Variants in CDC42BPA observed in about 807,000 individuals in gnomAD.
The protein encoded by CDC42BPA is CDC42 binding protein kinase alpha.
CDC42BPA carries 80 observed loss-of-function variants against 223.5 expected under a neutral mutation model. The ratio of observed to expected loss-of-function variants is 0.36; its 90% CI spans 0.30 to 0.43. The LOEUF (loss-of-function observed/expected upper bound fraction) is 0.43, where lower values mean the gene tolerates loss of function less well. CDC42BPA is among the 20% of genes least tolerant of loss of function. The probability of loss-of-function intolerance (pLI) is 1.00; values close to 1 mark genes in which losing one functional copy is unlikely to be tolerated. For synonymous variants in CDC42BPA, 694 were observed against 718.6 expected (o/e 0.97, Z 0.55); for missense variants, 1,743 against 2,099.9 (o/e 0.83, Z 3.32).
chr1:227,139,879 C>G, intron 9 of CDC42BPA, 137 bp from the exon 10 acceptor site: 1 of 438,188 alleles, frequency 2.3e-6, no homozygotes. Flanking sequence ...ATTTAAAACA[C>G]AGATCTGAAT....
chr1:227,308,887 G>T (rs1022593943), intron 1 of CDC42BPA, among the ~76,000 whole-genome samples: 1 of 152,120 alleles, frequency 6.6e-6, no homozygotes, highest in African/African-American at 2.4e-5. Flanking sequence ...CTACAGTGAC[G>T]TTTAAGCAAT....
intron 30 of CDC42BPA, among the ~76,000 whole-genome samples, chr1:227,028,423 T>G (rs965095068): frequency 6.6e-6 from 1 of 152,234 alleles, no homozygotes; most frequent in African/African-American, 2.4e-5. Flanking sequence ...TAGTGAAATA[T>G]TCCACAGAAA....
chr1:227,237,256 A>C (rs1278365342), intron 2 of CDC42BPA, among the ~76,000 whole-genome samples: 1 of 152,100 alleles, frequency 6.6e-6, no homozygotes, highest in African/African-American at 2.4e-5. Context: ...TGGAAAAGTT[A>C]TTACATGGTA....
intron 1 of CDC42BPA, among the ~76,000 whole-genome samples, chr1:227,297,967 T>TATATATATATATATATATATACAC (rs369403944): frequency 7.6e-6 from 1 of 132,082 alleles, no homozygotes; most frequent in African/African-American, 2.9e-5. Flanking sequence ...TATATACATA[T>TATATATATATATATATATATACAC]ACACACACAC....
intron 1 of CDC42BPA, among the ~76,000 whole-genome samples, chr1:227,315,578 T>TTAAAA (rs1553447724): frequency 6.7e-6 from 1 of 148,474 alleles, no homozygotes; most frequent in Non-Finnish European, 1.5e-5. Flanking sequence ...CTTTAAGTCT[T>TTAAAA]AAAAAAAAAA....
At chr1:227,091,179 C>T (rs1487311690) in intron 16 of CDC42BPA, among the ~76,000 whole-genome samples, 1 of 151,840 alleles carries the variant, frequency 6.6e-6, no homozygotes, top group Non-Finnish European at 1.5e-5. Context: ...ACTTATTAGC[C>T]ATCCGTGACG....
At chr1:227,254,040 T>C in intron 2 of CDC42BPA, 24 bp downstream of exon 2, 1 of 1,291,846 alleles carries the variant, frequency 7.7e-7, no homozygotes. Context: ...TTAGCAGACC[T>C]TCTATCAAAT....
intron 1 of CDC42BPA, among the ~76,000 whole-genome samples, chr1:227,292,173 G>A (rs1434645178): frequency 1.3e-5 from 2 of 152,058 alleles, no homozygotes; most frequent in Non-Finnish European, 2.9e-5. Flanking sequence ...AGTAGAGATG[G>A]GGTGTCACCA....
In CDC42BPA at chr1:227,317,282, A is replaced by C; in HGVS notation, c.-100T>G. ...AAAGGTATGGTTTTAAAAATAAACC[A>C]CTTGTTATTCAAACAACTGTCATGC... On this transcript the variant is annotated 5_prime_UTR_variant, in exon 1 of 37. Coordinates refer to ENST00000366766, the MANE Select transcript of CDC42BPA (RefSeq NM_001394014.1). 3 of 1,287,888 alleles carry C rather than the reference A, an allele frequency of 2.3e-6. No homozygotes were observed. The highest frequency in any genetic ancestry group is 3.2e-6 in the Non-Finnish European group (3 of 934,402). 79.8% of individuals were successfully genotyped at this position (1,287,888 alleles called of 1,614,324 possible). A position where few individuals can be genotyped will look rare whatever the true frequency, so the allele number is the denominator to read the frequency against.
chr1:227,234,143 G>A (rs138196047), intron 2 of CDC42BPA: 18 of 152,202 alleles, frequency 1.2e-4, no homozygotes, highest in African/African-American at 3.9e-4. Flanking sequence ...GGGTATCTGC[G>A]GTTTCAGTAA....
At chr1:227,177,347 T>C (rs1667143154) in intron 5 of CDC42BPA, among the ~76,000 whole-genome samples, 1 of 152,152 alleles carries the variant, frequency 6.6e-6, no homozygotes, top group Non-Finnish European at 1.5e-5. Context: ...CCCACTTCAT[T>C]ACTGAAGAAA....
At chr1:227,238,333 C>A (rs1679442909) in intron 2 of CDC42BPA, among the ~76,000 whole-genome samples, 1 of 149,778 alleles carries the variant, frequency 6.7e-6, no homozygotes, top group East Asian at 1.9e-4. Flanking sequence ...ACTGGCGAGA[C>A]CCTGTCTCAT....
chr1:227,163,186 G>C (rs1291678278), intron 5 of CDC42BPA, among the ~76,000 whole-genome samples: 1 of 151,902 alleles, frequency 6.6e-6, no homozygotes, highest in Non-Finnish European at 1.5e-5. Context: ...AAACATATGT[G>C]TGTATGTTTC....
At chr1:226,997,402 T>A (rs1334329870) in intron 35 of CDC42BPA, among the ~76,000 whole-genome samples, 2 of 152,202 alleles carry the variant, frequency 1.3e-5, no homozygotes, top group African/African-American at 4.8e-5. Flanking sequence ...AAAAACCAGC[T>A]CCTGGAATCA....
intron 24 of CDC42BPA, among the ~76,000 whole-genome samples, chr1:227,038,998 T>C (rs1670853429): frequency 6.6e-6 from 1 of 152,206 alleles, no homozygotes. Flanking sequence ...GAAAAACGCC[T>C]GGGAAAAGCT....
intron 5 of CDC42BPA, 67 bp downstream of exon 5, chr1:227,193,719 A>G: frequency 8.2e-7 from 1 of 1,225,968 alleles, no homozygotes; most frequent in South Asian, 1.9e-5. Flanking sequence ...ATCTGGCAAG[A>G]AATAGGCCTC....
intron 6 of CDC42BPA, among the ~76,000 whole-genome samples, chr1:227,151,690 G>A (rs1407217309): frequency 1.3e-5 from 2 of 151,952 alleles, no homozygotes; most frequent in Non-Finnish European, 2.9e-5. Flanking sequence ...TATCCCTGTG[G>A]TTTTGTGTTT....
chr1:227,163,884 G>A (rs1284762731), intron 5 of CDC42BPA, among the ~76,000 whole-genome samples: 2 of 151,836 alleles, frequency 1.3e-5, no homozygotes, highest in Non-Finnish European at 2.9e-5. Flanking sequence ...AATCTACCGG[G>A]GATTAATTTT....
intron 1 of CDC42BPA, among the ~76,000 whole-genome samples, chr1:227,294,054 A>G (rs4406605): frequency 0.31 from 46,336 of 151,174 alleles, 7,195 homozygotes; most frequent in East Asian, 0.36. Context: ...GGTGGATCAC[A>G]AGGTCAGAAG....
Sources: allele counts gnomAD v4.1 joint callset (sites outside exome capture counted in the v4.1 genomes callset), GRCh38; gene constraint gnomAD v4.1.1; transcripts MANE v1.5; gene names NCBI Gene and HGNC (gene_info 2026-07-23, HGNC 2026-07-21).